Variants in PDZD2 observed in about 807,000 individuals in gnomAD.
The protein encoded by PDZD2 is PDZ domain containing 2.
Under a neutral mutation model 220.7 loss-of-function variants are expected in PDZD2, and 90 were observed. The ratio of observed to expected loss-of-function variants is 0.41; its 90% CI spans 0.34 to 0.49. The LOEUF (loss-of-function observed/expected upper bound fraction) is 0.49, where lower values mean the gene tolerates loss of function less well. Among genes scored for constraint, PDZD2 ranks in the 20% least tolerant of loss-of-function variants. The probability of loss-of-function intolerance (pLI) is 0.28; values close to 1 mark genes in which losing one functional copy is unlikely to be tolerated. For missense variants in PDZD2, 3,174 were observed against 3,608.5 expected (o/e 0.88, Z 3.08); for synonymous variants, 1,375 against 1,450.5 (o/e 0.95, Z 1.18).
intron 2 of PDZD2, among the ~76,000 whole-genome samples, chr5:31,866,923 G>A (rs1334483414): frequency 2.0e-5 from 3 of 152,188 alleles, no homozygotes; most frequent in African/African-American, 7.2e-5. Context: ...TTTCTAGCTA[G>A]AAGGGATCTC....
intron 2 of PDZD2, among the ~76,000 whole-genome samples, chr5:31,816,287 C>CAAAA (rs34233316): frequency 4.0e-5 from 4 of 99,144 alleles, no homozygotes; most frequent in African/African-American, 8.4e-5. Context: ...GACTCCATCT[C>CAAAA]AAAAAAAAAA....
In PDZD2 at chr5:31,859,950, C is replaced by T. The variant is rs150670855; in HGVS notation, c.476+60226C>T. Among the ~76,000 whole-genome samples the T allele has an allele frequency of 4.9e-3, 750 of 152,214 alleles. 1 individual carries two copies. The highest frequency in any genetic ancestry group is 0.017 in the Middle Eastern group (5 of 292). ...AAAGCTCTCAGGTGATTGAAATCTG[C>T]GGCTAGCACAGAGGACCTCTGCTGT... On this transcript the variant is annotated intron_variant, in intron 2 of 24. Coordinates refer to ENST00000438447, the MANE Select transcript of PDZD2 (RefSeq NM_178140.4).
At chr5:32,036,881 G>A (rs1043335215) in intron 6 of PDZD2, among the ~76,000 whole-genome samples, 4 of 152,238 alleles carry the variant, frequency 2.6e-5, no homozygotes, top group Admixed American at 2.0e-4. Context: ...GTTGACCACT[G>A]GGAGACCACC....
chr5:31,766,752 CAG>C (rs1334515689), intron 1 of PDZD2, among the ~76,000 whole-genome samples: 3 of 143,028 alleles, frequency 2.1e-5, no homozygotes, highest in East Asian at 2.0e-4. Context: ...TTTTTTGAGA[CAG>C]AGTTTCGCTC....
In PDZD2 at chr5:31,873,060, T is replaced by C. The variant is rs554846299; in HGVS notation, c.476+73336T>C. Among the ~76,000 whole-genome samples, 5 of 152,268 alleles carry C rather than the reference T, an allele frequency of 3.3e-5. No homozygotes were observed. The South Asian group carries it at 1.0e-3, about 32-fold the overall frequency. On this transcript the variant is annotated intron_variant, in intron 2 of 24. Coordinates refer to ENST00000438447, the MANE Select transcript of PDZD2 (RefSeq NM_178140.4). ...TGACAATTACTTGACGACACATTTC[T>C]CAGAACATATCCCTATCATTAAGCA...
chr5:32,045,725 C>T (rs1737882755), intron 7 of PDZD2, among the ~76,000 whole-genome samples: 1 of 151,890 alleles, frequency 6.6e-6, no homozygotes, highest in African/African-American at 2.4e-5. Context: ...CCGCGCCCAG[C>T]CTATGATCTT....
At chr5:31,862,817 TC>T (rs1365856682) in intron 2 of PDZD2, among the ~76,000 whole-genome samples, 1 of 152,152 alleles carries the variant, frequency 6.6e-6, no homozygotes, top group Non-Finnish European at 1.5e-5. Context: ...AACCTCTGCC[TC>T]CCGGGTTCAG....
chr5:31,708,881 GTTT>G (rs33947537), intron 1 of PDZD2, among the ~76,000 whole-genome samples: 3 of 61,760 alleles, frequency 4.9e-5, no homozygotes, highest in African/African-American at 2.2e-4. Flanking sequence ...AATGTGTTTT[GTTT>G]TTTTTTTTTT....
chr5:32,069,724 T>C (rs189061828), intron 15 of PDZD2, 74 bp downstream of exon 15: 43 of 773,430 alleles, frequency 5.6e-5, no homozygotes, highest in Admixed American at 1.6e-4. Flanking sequence ...CACTCCCCAG[T>C]GCAGTATTAT....
rs567776223 is a variant in PDZD2, at chr5:31,643,014, T to C, written c.-361+3577T>C. 2.1e-4 allele frequency among the ~76,000 whole-genome samples: 32 copies of C among 152,298 alleles called. 1 individual carries two copies. In the South Asian group the frequency reaches 6.6e-3, roughly 32 times the overall value. ...AGAACTTCCTGCTGGGCCAGATGAT[T>C]AGAAATGTTGAAGCCTCCATTTGCT... On this transcript the variant is annotated intron_variant, in intron 1 of 24. Transcript: ENST00000438447.
intron 2 of PDZD2, among the ~76,000 whole-genome samples, chr5:31,876,503 G>A (rs1457574923): frequency 6.6e-6 from 1 of 152,020 alleles, no homozygotes; most frequent in Non-Finnish European, 1.5e-5. Context: ...ATGTTGGTCA[G>A]GCTGGTCTCA....
At position 32,083,861 on chromosome 5, in the gene PDZD2, G is replaced by C. The variant is rs1742200094; in HGVS notation, c.3683-3270G>C. ...CTGGCTAATTTTTGTATTTTTAGTA[G>C]AGATGGGATTTCCCCATGTTGGCCA... is the stretch of plus-strand genomic sequence containing the variant. On this transcript the variant is annotated intron_variant, in intron 19 of 24. Coordinates refer to ENST00000438447, the MANE Select transcript of PDZD2 (RefSeq NM_178140.4). This position sits in a 1 kb window ranked among gnomAD's most constrained non-coding sequence, Gnocchi z 4.1. 6.6e-6 allele frequency among the ~76,000 whole-genome samples: 1 copy of C among 151,988 alleles called. No homozygotes were observed.
intron 8 of PDZD2, among the ~76,000 whole-genome samples, chr5:32,051,730 C>G (rs987690034): frequency 6.6e-6 from 1 of 152,038 alleles, no homozygotes; most frequent in Admixed American, 6.6e-5. Flanking sequence ...AAGTGTGGCT[C>G]ATTATGGGAA....
At chr5:31,708,978 C>T (rs1400000067) in intron 1 of PDZD2, among the ~76,000 whole-genome samples, 1 of 147,954 alleles carries the variant, frequency 6.8e-6, no homozygotes, top group Non-Finnish European at 1.5e-5. Flanking sequence ...ACCTCCGCCT[C>T]CCGGGTTCAA....
At position 32,087,423 on chromosome 5, in the gene PDZD2, A is replaced by G. The variant is rs1742588551; in HGVS notation, c.3975A>G (p.Gly1325=). 1.2e-6 allele frequency: 2 copies of G among 1,614,064 alleles called. No homozygotes were observed. Among genetic ancestry groups the G allele is most frequent in the Non-Finnish European group, 1.7e-6 (2 of 1,179,996 alleles). The change falls in exon 20 of 25, where the codon GGA becomes GGG. Residue 1325 remains glycine (G), a synonymous_variant. Coordinates refer to ENST00000438447, the MANE Select transcript of PDZD2 (RefSeq NM_178140.4). The surrounding 1 kb of genome is among the most constrained non-coding windows in gnomAD (Gnocchi z 4.0). ...CCAGGAGGGTGGCTGCCCTCAGGGG[A>G]GCGGGACCTGGAGCAGAGGGAATGA... is the stretch of plus-strand genomic sequence containing the variant. The part of the protein sequence containing the change: ...HNTRRVAALR[G]AGPGAEGMTP...
At chr5:31,727,778 G>A (rs762957862) in intron 1 of PDZD2, among the ~76,000 whole-genome samples, 11 of 151,568 alleles carry the variant, frequency 7.3e-5, no homozygotes, top group Non-Finnish European at 8.8e-5. Context: ...CGAGGCGGGC[G>A]GATCACGAGG....
intron 4 of PDZD2, among the ~76,000 whole-genome samples, chr5:31,996,805 C>T (rs565249646): frequency 1.3e-5 from 2 of 152,202 alleles, no homozygotes; most frequent in African/African-American, 2.4e-5. Flanking sequence ...CACTTGAGCC[C>T]GGGAGATCGA....
intron 2 of PDZD2, among the ~76,000 whole-genome samples, chr5:31,965,909 C>T (rs1189928328): frequency 6.6e-6 from 1 of 152,002 alleles, no homozygotes; most frequent in Non-Finnish European, 1.5e-5. Context: ...AAAAAAAACA[C>T]CAACCAAAAC....
chr5:31,948,090 G>A (rs956337619), intron 2 of PDZD2, among the ~76,000 whole-genome samples: 3 of 152,116 alleles, frequency 2.0e-5, no homozygotes, highest in Non-Finnish European at 2.9e-5. Context: ...CCCAATGAAA[G>A]GTTACTTGGG....
Sources: gnomAD v4.1 joint callset for allele counts (sites outside exome capture counted in the v4.1 genomes callset) on GRCh38, gnomAD v4.1.1 for gene constraint, Gnocchi (gnomAD v3.1) non-coding constraint, MANE v1.5 for transcripts, NCBI Gene and HGNC (gene_info 2026-07-23, HGNC 2026-07-21) for gene names.